The following ST3GAL4 variants were observed in gnomAD, a reference collection of about 807,000 sequenced individuals.
ST3GAL4 encodes the protein ST3 beta-galactoside alpha-2,3-sialyltransferase 4, also known as CMP-N-acetylneuraminate-beta-galactosamide-alpha-2,3-sialyltransferase 4.
In ST3GAL4, 24 loss-of-function variants were observed where a neutral mutation model predicts 42.6. That is an observed-to-expected ratio of 0.56 (90% CI 0.41 to 0.79). The LOEUF (loss-of-function observed/expected upper bound fraction) is 0.79, where lower values mean the gene tolerates loss of function less well. Among genes scored for constraint, ST3GAL4 ranks in the 30% least tolerant of loss-of-function variants. The pLI, the probability that ST3GAL4 is intolerant of heterozygous loss-of-function variation, is 0.00. For synonymous variants in ST3GAL4, 135 were observed against 163.2 expected (o/e 0.83, Z 1.32); for missense variants, 311 against 430.8 (o/e 0.72, Z 2.46).
At position 126,379,659 on chromosome 11, in the gene ST3GAL4, G is replaced by C. The variant is rs1952929060; in HGVS notation, c.-61+23817G>C. On this transcript the variant is annotated intron_variant, in intron 1 of 10. Transcript: ENST00000444328. This position sits in a 1 kb window ranked among gnomAD's most constrained non-coding sequence, Gnocchi z 4.2. ...CACCTGGCTAATTTTTGTATTTTTA[G>C]TAGAGATGGGGTTTCACCACGTTGG... 1.3e-5 allele frequency among the ~76,000 whole-genome samples: 2 copies of C among 152,002 alleles called. No homozygotes were observed. The highest frequency in any genetic ancestry group is 4.2e-4 in the South Asian group (2 of 4,812).
In ST3GAL4 at chr11:126,392,957, G is replaced by GTT. The variant is rs1953573385; in HGVS notation, c.-60-13138_-60-13137dup. On this transcript the variant is annotated intron_variant, in intron 1 of 10. Coordinates refer to ENST00000444328, the MANE Select transcript of ST3GAL4 (RefSeq NM_001254757.2). This position sits in a 1 kb window ranked among gnomAD's most constrained non-coding sequence, Gnocchi z 5.8. Reference sequence around the variant, plus strand: ...AACATTTGTAACACGACCAACTCCTGTTCTTTTTTTTTTTTTTTTTTGAGA... The same window carrying GTT: ...AACATTTGTAACACGACCAACTCCTGTTTTCTTTTTTTTTTTTTTTTTTGAGA... Among the ~76,000 whole-genome samples, 1 of 125,058 alleles carries GTT rather than the reference G, an allele frequency of 8.0e-6. No homozygotes were observed. Among genetic ancestry groups the GTT allele is most frequent in the African/African-American group, 3.3e-5 (1 of 29,924 alleles). 82.0% of individuals were successfully genotyped at this position (125,058 alleles called of 152,430 possible). A position where few individuals can be genotyped will look rare whatever the true frequency, so the allele number is the denominator to read the frequency against.
rs1216525153 is a variant in ST3GAL4 at position 126,359,636 on chromosome 11, C to T, written c.-61+3794C>T. Reference sequence around the variant, plus strand: ...ACAAACCCTGACCTCTGAGTGCTCTCCCGAACCCCACATCCCGGCCGGGCC... The same window carrying T: ...ACAAACCCTGACCTCTGAGTGCTCTTCCGAACCCCACATCCCGGCCGGGCC... On this transcript the variant is annotated intron_variant, in intron 1 of 10. Coordinates refer to ENST00000444328, the MANE Select transcript of ST3GAL4 (RefSeq NM_001254757.2). This position sits in a 1 kb window ranked among gnomAD's most constrained non-coding sequence, Gnocchi z 4.8. 2.0e-5 allele frequency among the ~76,000 whole-genome samples: 3 copies of T among 152,222 alleles called. No individual in the cohort carries two copies. The highest frequency in any genetic ancestry group is 4.4e-5 in the Non-Finnish European group (3 of 68,048).
chr11:126,383,992 C>T lies in ST3GAL4; in HGVS notation c.-60-22104C>T, dbSNP rs754663199. 6.6e-6 allele frequency among the ~76,000 whole-genome samples: 1 copy of T among 152,156 alleles called. No individual in the cohort carries two copies. Among genetic ancestry groups the T allele is most frequent in the Admixed American group, 6.5e-5 (1 of 15,282 alleles). On this transcript the variant is annotated intron_variant, in intron 1 of 10. Coordinates refer to ENST00000444328, the MANE Select transcript of ST3GAL4 (RefSeq NM_001254757.2). This position sits in a 1 kb window ranked among gnomAD's most constrained non-coding sequence, Gnocchi z 4.5. ...CTTTTCCTGCCCACCCTCATCTTTG[C>T]CGAGTCCTCGTCTGGGGGCCCTGCC...
At chr11:126,375,323 T>G (rs543841681) in intron 1 of ST3GAL4, among the ~76,000 whole-genome samples, 2 of 148,594 alleles carry the variant, frequency 1.3e-5, no homozygotes, top group African/African-American at 4.9e-5. Context: ...AGGAGGGGCT[T>G]GACAGGCTCT....
chr11:126,383,458 C>A lies in ST3GAL4; in HGVS notation c.-60-22638C>A, dbSNP rs112709239. Among the ~76,000 whole-genome samples, 16 of 152,264 alleles carry A rather than the reference C, an allele frequency of 1.1e-4. No homozygotes were observed. The highest frequency in any genetic ancestry group is 3.4e-4 in the African/African-American group (14 of 41,556). On this transcript the variant is annotated intron_variant, in intron 1 of 10. Transcript: ENST00000444328. The surrounding 1 kb of genome is among the most constrained non-coding windows in gnomAD (Gnocchi z 4.5). ...AGCAGCAGCAGCTGAGCCCAGCCCC[C>A]GGCCAGCCCTGAGGAATGGGGGAAA... is the stretch of plus-strand genomic sequence containing the variant.
In ST3GAL4 at chr11:126,391,971, GTA is replaced by G. The variant is rs34092932; in HGVS notation, c.-60-14123_-60-14122del. ...TGTGTGTGTGTGTGTGTGTGTGTGT[GTA>G]TGTGTGTGTATGTGTATATATAAAA... On this transcript the variant is annotated intron_variant, in intron 1 of 10. Transcript: ENST00000444328. This position sits in a 1 kb window ranked among gnomAD's most constrained non-coding sequence, Gnocchi z 5.5. Among the ~76,000 whole-genome samples the G allele has an allele frequency of 0.041, 5,955 of 145,322 alleles. 130 individuals carry two copies. The highest frequency in any genetic ancestry group is 0.068 in the African/African-American group (2,644 of 38,972).
chr11:126,388,779 T>TTC (rs1953347261), intron 1 of ST3GAL4, among the ~76,000 whole-genome samples: 1 of 142,694 alleles, frequency 7.0e-6, no homozygotes, highest in African/African-American at 2.6e-5. Context: ...TTTTTTTTTT[T>TTC]TTTTTTTTTG....
chr11:126,406,558 G>C lies in ST3GAL4; in HGVS notation c.101+1G>C. 1.2e-6 allele frequency: 2 copies of C among 1,614,178 alleles called. No homozygotes were observed. The highest frequency in any genetic ancestry group is 1.7e-6 in the Non-Finnish European group (2 of 1,180,020). ...CCCGGGAAGACAGGTACATCGAGCT[G>C]TGAGTTCACCTTCCATGTCCTTCCA... On this transcript the variant is annotated splice_donor_variant, in intron 3 of 10. Coordinates refer to ENST00000444328, the MANE Select transcript of ST3GAL4 (RefSeq NM_001254757.2). LOFTEE classifies it high-confidence loss of function. This position sits in a 1 kb window ranked among gnomAD's most constrained non-coding sequence, Gnocchi z 5.4.
rs1420571136 is a variant in ST3GAL4 at position 126,397,927 on chromosome 11, C to T, written c.-60-8169C>T. On this transcript the variant is annotated intron_variant, in intron 1 of 10. Coordinates refer to ENST00000444328, the MANE Select transcript of ST3GAL4 (RefSeq NM_001254757.2). This position sits in a 1 kb window ranked among gnomAD's most constrained non-coding sequence, Gnocchi z 5.0. ...GGCCTACTCTTATGAGACCCCACCT[C>T]ACAACATTGTTAACATTTAGGATCA... Among the ~76,000 whole-genome samples the T allele has an allele frequency of 6.7e-6, 1 of 148,582 alleles. No homozygotes were observed. The highest frequency in any genetic ancestry group is 1.5e-5 in the Non-Finnish European group (1 of 67,024).
intron 1 of ST3GAL4, among the ~76,000 whole-genome samples, chr11:126,388,837 C>T (rs950047428): frequency 7.9e-6 from 1 of 126,960 alleles, no homozygotes; most frequent in Admixed American, 1.0e-4. Context: ...AGTGCAATGA[C>T]ACGATCTTGG....
chr11:126,389,068 G>A (rs1246250622), intron 1 of ST3GAL4, among the ~76,000 whole-genome samples: 1 of 151,998 alleles, frequency 6.6e-6, no homozygotes, highest in African/African-American at 2.4e-5. Context: ...GTGAGCCACC[G>A]CTCCCCGGCT....
chr11:126,380,566 G>T (rs916346331), intron 1 of ST3GAL4, among the ~76,000 whole-genome samples: 1 of 152,192 alleles, frequency 6.6e-6, no homozygotes, highest in African/African-American at 2.4e-5. Context: ...AGTTGACTCT[G>T]TTAATTTAGC....
At chr11:126,389,311 A>G (rs756597786) in intron 1 of ST3GAL4, among the ~76,000 whole-genome samples, 1 of 152,200 alleles carries the variant, frequency 6.6e-6, no homozygotes, top group African/African-American at 2.4e-5. Context: ...AAATGGGAAT[A>G]TTATCTCTCA....
intron 1 of ST3GAL4, among the ~76,000 whole-genome samples, chr11:126,405,058 C>T (rs912770693): frequency 2.6e-5 from 4 of 152,206 alleles, no homozygotes; most frequent in African/African-American, 9.7e-5. Context: ...AAATGCCTGT[C>T]CCAGGCCATA....
intron 1 of ST3GAL4, chr11:126,358,363 A>G (rs77137587): frequency 2.8e-6 from 1 of 360,800 alleles, no homozygotes; most frequent in African/African-American, 2.1e-5. Flanking sequence ...GTGTAGGCAG[A>G]TTTGGGTGAC....
In ST3GAL4 at chr11:126,398,086, G is replaced by A. The variant is rs1036692749; in HGVS notation, c.-60-8010G>A. On this transcript the variant is annotated intron_variant, in intron 1 of 10. Coordinates refer to ENST00000444328, the MANE Select transcript of ST3GAL4 (RefSeq NM_001254757.2). This position sits in a 1 kb window ranked among gnomAD's most constrained non-coding sequence, Gnocchi z 4.7. The stretch of plus-strand genomic sequence containing the variant: ...TAATCCCAAATTCTTATTTGTTTCA[G>A]CACCACATTAAAAGTCCAAAGTCCA... 2.0e-5 allele frequency among the ~76,000 whole-genome samples: 3 copies of A among 152,146 alleles called. No homozygotes were observed. The highest frequency in any genetic ancestry group is 4.4e-5 in the Non-Finnish European group (3 of 68,030).
At chr11:126,407,440 T>C in intron 5 of ST3GAL4, 91 bp downstream of exon 5, 1 of 1,565,338 alleles carries the variant, frequency 6.4e-7, no homozygotes, top group Non-Finnish European at 8.8e-7. Context: ...GTGCCCAAGT[T>C]CTGAGCCTGA....
intron 1 of ST3GAL4, among the ~76,000 whole-genome samples, chr11:126,387,844 G>C (rs1334053239): frequency 1.3e-5 from 2 of 152,312 alleles, no homozygotes; most frequent in Non-Finnish European, 2.9e-5. Context: ...GGGTATGCAT[G>C]TAACTGTTTT....
chr11:126,372,712 G>T (rs1389292417), intron 1 of ST3GAL4, among the ~76,000 whole-genome samples: 1 of 152,144 alleles, frequency 6.6e-6, no homozygotes, highest in African/African-American at 2.4e-5. Flanking sequence ...CATTCACCCG[G>T]CCGTCTTTGG....
Sources: allele counts gnomAD v4.1 joint callset (sites outside exome capture counted in the v4.1 genomes callset), GRCh38; gene constraint gnomAD v4.1.1; non-coding constraint Gnocchi (gnomAD v3.1); transcripts MANE v1.5; gene names NCBI Gene and HGNC (gene_info 2026-07-23, HGNC 2026-07-21).